The following SORL1 variants were observed in gnomAD, a reference collection of about 807,000 sequenced individuals.
The protein encoded by SORL1 is sortilin-related receptor.
In SORL1, 127 loss-of-function variants were observed where a neutral mutation model predicts 273.7. The observed-to-expected ratio is 0.46, with a 90% CI of 0.40 to 0.54. The LOEUF (loss-of-function observed/expected upper bound fraction) is 0.54, where lower values mean the gene tolerates loss of function less well. Ranked by LOEUF, SORL1 falls within the 20% of genes least tolerant of loss-of-function variation. The pLI, the probability that SORL1 is intolerant of heterozygous loss-of-function variation, is 0.00. For missense variants in SORL1, 2,494 were observed against 2,846.1 expected (o/e 0.88, Z 2.81); for synonymous variants, 1,031 against 1,067.4 (o/e 0.97, Z 0.66).
At chr11:121,485,119 A>C (rs778826087) in intron 3 of SORL1, among the ~76,000 whole-genome samples, 8 of 152,172 alleles carry the variant, frequency 5.3e-5, no homozygotes, top group Non-Finnish European at 7.4e-5. Flanking sequence ...TTAGCAGCAA[A>C]GGATGGAAGA....
At chr11:121,455,703 GA>G (rs1272170838) in intron 1 of SORL1, among the ~76,000 whole-genome samples, 1 of 152,210 alleles carries the variant, frequency 6.6e-6, no homozygotes, top group Non-Finnish European at 1.5e-5. Flanking sequence ...CAGATATCAG[GA>G]CTTTTCTGCC....
chr11:121,587,119 T>C (rs1438239682), intron 27 of SORL1, among the ~76,000 whole-genome samples: 1 of 152,120 alleles, frequency 6.6e-6, no homozygotes, highest in African/African-American at 2.4e-5. Context: ...TGTGACAGAG[T>C]CTGTATGACC....
rs138880803 is a variant in SORL1 at position 121,479,772 on chromosome 11, T to C, written c.528+1529T>C. On this transcript the variant is annotated intron_variant, in intron 3 of 47. Transcript: ENST00000260197. ...GTTTTTTAACAACTGGAATGGTCAT[T>C]ACTGGTACATACTTGTTAAAATATC... 2.1e-3 allele frequency among the ~76,000 whole-genome samples: 325 copies of C among 152,288 alleles called. 3 individuals are homozygous for C. Among genetic ancestry groups the C allele is most frequent in the African/African-American group, 7.5e-3 (312 of 41,560 alleles).
At chr11:121,533,682 C>A (rs1487078904) in intron 12 of SORL1, among the ~76,000 whole-genome samples, 1 of 152,102 alleles carries the variant, frequency 6.6e-6, no homozygotes, top group Non-Finnish European at 1.5e-5. Context: ...AGAAACGGGG[C>A]CAGCAGTAAG....
In SORL1 at chr11:121,611,008, C is replaced by G. The variant is rs529928706; in HGVS notation, c.5240-68C>G. Reference sequence around the variant, plus strand: ...ATGGCTTTGTCCGTTGAGTTGAAAACTATTAAGTCCTGCCTTCCTCACTTT... The same window carrying G: ...ATGGCTTTGTCCGTTGAGTTGAAAAGTATTAAGTCCTGCCTTCCTCACTTT... On this transcript the variant is annotated intron_variant, in intron 38 of 47. Transcript: ENST00000260197. The G allele has an allele frequency of 3.7e-6, 4 of 1,069,400 alleles. No individual in the cohort carries two copies. The South Asian group carries it at 3.8e-5, about 10-fold the overall frequency. The allele number at this position is 1,069,400 out of a possible 1,614,324, so 66.2% of individuals were successfully genotyped here.
intron 5 of SORL1, among the ~76,000 whole-genome samples, chr11:121,492,797 T>C (rs2134817341): frequency 8.4e-6 from 1 of 118,810 alleles, no homozygotes; most frequent in Non-Finnish European, 1.7e-5. Context: ...TTTAATCTGC[T>C]TAAGGGTCAT....
At chr11:121,567,135 G>A in intron 22 of SORL1, 22 bp downstream of exon 22, 2 of 1,598,588 alleles carry the variant, frequency 1.3e-6, no homozygotes, top group South Asian at 2.2e-5. Flanking sequence ...TTTCTTTTTT[G>A]CCTGTCATCC....
At chr11:121,513,694 A>G (rs1036800090) in intron 7 of SORL1, among the ~76,000 whole-genome samples, 1 of 152,180 alleles carries the variant, frequency 6.6e-6, no homozygotes, top group African/African-American at 2.4e-5. Context: ...TAAGTAGCTC[A>G]CTTACTTACC....
At position 121,595,820 on chromosome 11, in the gene SORL1, A is replaced by G. The variant is rs746199958; in HGVS notation, c.4519+48A>G. 4 of 1,586,842 alleles carry G rather than the reference A, an allele frequency of 2.5e-6. No individual in the cohort carries two copies. The South Asian group carries it at 3.3e-5, about 13-fold the overall frequency. ...ACCCCCTGGGCACGTTTCTGCAGAG[A>G]GCACAGTTCTGGTGCTTCTGCTTCA... On this transcript the variant is annotated intron_variant, in intron 32 of 47. Coordinates refer to ENST00000260197, the MANE Select transcript of SORL1 (RefSeq NM_003105.6). The surrounding 1 kb of genome is among the most constrained non-coding windows in gnomAD (Gnocchi z 5.1).
At chr11:121,496,372 C>T (rs1861629354) in intron 5 of SORL1, among the ~76,000 whole-genome samples, 1 of 152,150 alleles carries the variant, frequency 6.6e-6, no homozygotes, top group Non-Finnish European at 1.5e-5. Flanking sequence ...TGCCTAGATC[C>T]ATGACATTGG....
rs143453988 is a variant in SORL1 at position 121,575,137 on chromosome 11, T to A, written c.3460+774T>A. ...TCCTTTTAATTTCTACTTTCTAAAG[T>A]GACTGAGGTCTGTAGAGGTCAGGGG... On this transcript the variant is annotated intron_variant, in intron 24 of 47. Transcript: ENST00000260197. 2.6e-3 allele frequency among the ~76,000 whole-genome samples: 391 copies of A among 152,338 alleles called. 2 individuals are homozygous for A. Among genetic ancestry groups the A allele is most frequent in the African/African-American group, 8.9e-3 (368 of 41,570 alleles).
chr11:121,590,341 G>A (rs1438855720), intron 30 of SORL1, 167 bp downstream of exon 30: 1 of 650,748 alleles, frequency 1.5e-6, no homozygotes, highest in Non-Finnish European at 2.6e-6. Context: ...TGAAATAAGT[G>A]TGGTTGGTTT....
chr11:121,586,411 T>C, intron 27 of SORL1, 82 bp downstream of exon 27: 1 of 1,041,546 alleles, frequency 9.6e-7, no homozygotes, highest in South Asian at 1.3e-5. Flanking sequence ...AATCCTTTCA[T>C]TTCCTCAGTA....
intron 5 of SORL1, among the ~76,000 whole-genome samples, 162 bp downstream of exon 5, chr11:121,490,272 A>T (rs1259494674): frequency 6.6e-6 from 1 of 152,126 alleles, no homozygotes; most frequent in Non-Finnish European, 1.5e-5. Context: ...CAATGATCTC[A>T]CTGTGGGAGA....
chr11:121,471,210 T>A (rs1049349847), intron 2 of SORL1, among the ~76,000 whole-genome samples: 1 of 152,142 alleles, frequency 6.6e-6, no homozygotes, highest in African/African-American at 2.4e-5. Flanking sequence ...GAAGCATGCT[T>A]CCGAGGAGCA....
Position 121,452,413 on chromosome 11 carries a change from T to C in SORL1, c.82T>C (p.Cys28Arg). 19 of 1,524,132 alleles carry C rather than the reference T, an allele frequency of 1.2e-5. No individual in the cohort carries two copies. Among genetic ancestry groups the C allele is most frequent in the Non-Finnish European group, 1.5e-5 (17 of 1,138,874 alleles). The allele number at this position is 1,524,132 out of a possible 1,614,324, so 94.4% of individuals were successfully genotyped here. The change falls in exon 1 of 48, where the codon TGC becomes CGC. Residue 28 changes from cysteine (C) to arginine (R), a missense_variant. Coordinates refer to ENST00000260197, the MANE Select transcript of SORL1 (RefSeq NM_003105.6). The surrounding 1 kb of genome is among the most constrained non-coding windows in gnomAD (Gnocchi z 5.3). ...LVALLPPGALCEVWTQRLHGG... is the reference protein window; with the variant it reads ...LVALLPPGALREVWTQRLHGG... ...CGCACTGCTGCCGCCCGGAGCTCTCTGCGAAGTCTGGACGCAGAGGCTGCA... is the reference window on the plus strand; with the variant it reads ...CGCACTGCTGCCGCCCGGAGCTCTCCGCGAAGTCTGGACGCAGAGGCTGCA...
intron 5 of SORL1, among the ~76,000 whole-genome samples, chr11:121,495,743 G>A (rs1275405696): frequency 2.0e-5 from 3 of 152,248 alleles, no homozygotes; most frequent in Admixed American, 2.0e-4. Flanking sequence ...GGGGATCACT[G>A]GCTCAGAAGT....
At chr11:121,543,374 T>C (rs1390981518) in intron 12 of SORL1, among the ~76,000 whole-genome samples, 174 bp from the exon 13 acceptor site, 3 of 152,218 alleles carry the variant, frequency 2.0e-5, no homozygotes, top group Non-Finnish European at 4.4e-5. Flanking sequence ...CTGTGTTCTT[T>C]TGAGATGACT....
At chr11:121,552,854 T>G (rs1862524913) in intron 16 of SORL1, among the ~76,000 whole-genome samples, 1 of 152,220 alleles carries the variant, frequency 6.6e-6, no homozygotes, top group Admixed American at 6.5e-5. Flanking sequence ...GATTTGCATC[T>G]TGGTCCCATA....
Sources: gnomAD v4.1 joint callset for allele counts (sites outside exome capture counted in the v4.1 genomes callset) on GRCh38, gnomAD v4.1.1 for gene constraint, Gnocchi (gnomAD v3.1) non-coding constraint, MANE v1.5 for transcripts, NCBI Gene and HGNC (gene_info 2026-07-23, HGNC 2026-07-21) for gene names.